PREX1: variants seen among roughly 807,000 people sequenced by gnomAD.
The protein encoded by PREX1 is phosphatidylinositol 3,4,5-trisphosphate-dependent Rac exchanger 1 protein.
In PREX1, 41 loss-of-function variants were observed where a neutral mutation model predicts 198.3. The observed-to-expected ratio is 0.21, with a 90% CI of 0.16 to 0.27. The LOEUF (loss-of-function observed/expected upper bound fraction) is 0.27. PREX1 is among the 10% of genes least tolerant of loss of function. The pLI, the probability that PREX1 is intolerant of heterozygous loss-of-function variation, is 1.00. For synonymous variants in PREX1, 843 were observed against 887.2 expected (o/e 0.95, Z 0.89); for missense variants, 1,620 against 2,200.7 (o/e 0.74, Z 5.28).
chr20:48,768,553 G>A (rs2090219570), intron 1 of PREX1, among the ~76,000 whole-genome samples: 1 of 152,172 alleles, frequency 6.6e-6, no homozygotes, highest in Non-Finnish European at 1.5e-5. Flanking sequence ...CCAGCACTTT[G>A]GGAGGCAGAG....
At chr20:48,698,647 T>C (rs2089859341) in intron 7 of PREX1, among the ~76,000 whole-genome samples, 2 of 151,976 alleles carry the variant, frequency 1.3e-5, no homozygotes, top group African/African-American at 4.8e-5. Context: ...CACTGGGAGA[T>C]AGCGGAAGCA....
chr20:48,664,235 T>C (rs1180312634), intron 15 of PREX1, among the ~76,000 whole-genome samples: 1 of 151,098 alleles, frequency 6.6e-6, no homozygotes, highest in Non-Finnish European at 1.5e-5. Flanking sequence ...ATTAGCCGGG[T>C]GTGGTGGCGG....
At chr20:48,779,221 G>T (rs901383587) in intron 1 of PREX1, among the ~76,000 whole-genome samples, 1 of 152,140 alleles carries the variant, frequency 6.6e-6, no homozygotes, top group African/African-American at 2.4e-5. Flanking sequence ...GTATATAAAT[G>T]GTAAATATGC....
At chr20:48,653,999 T>C (rs1208012531) in intron 19 of PREX1, among the ~76,000 whole-genome samples, 3 of 152,018 alleles carry the variant, frequency 2.0e-5, no homozygotes, top group Non-Finnish European at 4.4e-5. Flanking sequence ...ATGTGAAAGG[T>C]CTGGAAATGC....
At chr20:48,803,744 T>C (rs2090397928) in intron 1 of PREX1, among the ~76,000 whole-genome samples, 1 of 152,180 alleles carries the variant, frequency 6.6e-6, no homozygotes, top group South Asian at 2.1e-4. Flanking sequence ...CTGACGAACC[T>C]GTGACCCAGG....
intron 4 of PREX1, among the ~76,000 whole-genome samples, chr20:48,731,001 G>T (rs1333032798): frequency 6.6e-6 from 1 of 152,054 alleles, no homozygotes; most frequent in Non-Finnish European, 1.5e-5. Flanking sequence ...ATCTCAAAAA[G>T]CAAAAACAAA....
the PREX1 span, among the ~76,000 whole-genome samples, chr20:48,854,830 C>T: frequency 2.0e-5 from 3 of 152,190 alleles, no homozygotes; most frequent in Non-Finnish European, 2.9e-5. Flanking sequence ...GAATTTCATT[C>T]CTTGAAGGGG....
chr20:48,691,140 G>A lies in PREX1; in HGVS notation c.1037-44C>T, dbSNP rs376333161. 49 of 1,613,002 alleles carry A rather than the reference G, an allele frequency of 3.0e-5. No homozygotes were observed. Among genetic ancestry groups the A allele is most frequent in the Middle Eastern group, 1.7e-4 (1 of 5,972 alleles). On this transcript the variant is annotated intron_variant, in intron 8 of 39. Coordinates refer to ENST00000371941, the MANE Select transcript of PREX1 (RefSeq NM_020820.4). The surrounding 1 kb of genome is among the most constrained non-coding windows in gnomAD (Gnocchi z 5.0). ...AAAGGTGCAGCAGAGACTCAGCCGC[G>A]TGACCTTCAACACTCCCCATTGCCA...
At chr20:48,840,859 G>A in the PREX1 span, among the ~76,000 whole-genome samples, 1 of 152,084 alleles carries the variant, frequency 6.6e-6, no homozygotes. Context: ...GTCTTACACT[G>A]TAGCCCAGGC....
chr20:48,816,289 C>G (rs959939926), intron 1 of PREX1, among the ~76,000 whole-genome samples: 13 of 152,262 alleles, frequency 8.5e-5, no homozygotes, highest in Admixed American at 2.6e-4. Flanking sequence ...TGAGTTCAAA[C>G]CCACCACTGA....
the PREX1 span, among the ~76,000 whole-genome samples, chr20:48,878,554 G>A: frequency 1.2e-4 from 18 of 152,074 alleles, no homozygotes; most frequent in African/African-American, 4.3e-4. Context: ...TAGCCAGGAT[G>A]GTCTTGATCT....
chr20:48,758,994 T>C (rs747449581), intron 1 of PREX1, among the ~76,000 whole-genome samples: 1 of 152,100 alleles, frequency 6.6e-6, no homozygotes, highest in East Asian at 1.9e-4. Flanking sequence ...CCTCCTCCCA[T>C]GCCCCAACTC....
At chr20:48,659,733 G>A (rs1215276168) in intron 16 of PREX1, among the ~76,000 whole-genome samples, 186 bp downstream of exon 16, 2 of 152,154 alleles carry the variant, frequency 1.3e-5, no homozygotes, top group Admixed American at 6.5e-5. Context: ...CTTTTGTTAG[G>A]AGGGTAGTCT....
chr20:48,764,043 TCTGA>T lies in PREX1; in HGVS notation c.220-16167_220-16164del, dbSNP rs367899187. ...ACCTCGGGGCCATCAGAGTCCAGGC[TCTGA>T]CTTTCTGCCACATCCACTCTAACCC... On this transcript the variant is annotated intron_variant, in intron 1 of 39. Coordinates refer to ENST00000371941, the MANE Select transcript of PREX1 (RefSeq NM_020820.4). Among the ~76,000 whole-genome samples, 21 of 152,240 alleles carry T rather than the reference TCTGA, an allele frequency of 1.4e-4. No homozygotes were observed. The East Asian group carries it at 3.9e-3, about 28-fold the overall frequency.
chr20:48,732,213 G>C (rs938781580), intron 4 of PREX1, among the ~76,000 whole-genome samples: 12 of 152,190 alleles, frequency 7.9e-5, no homozygotes, highest in African/African-American at 2.9e-4. Flanking sequence ...ATTCACTTGA[G>C]ACAAAGATGG....
chr20:48,678,795 A>G (rs187439682), intron 13 of PREX1, among the ~76,000 whole-genome samples: 106 of 152,318 alleles, frequency 7.0e-4, no homozygotes, highest in Non-Finnish European at 1.2e-3. Flanking sequence ...CTGTGAATCC[A>G]TTAAACCTCC....
the PREX1 span, among the ~76,000 whole-genome samples, chr20:48,848,895 C>A: frequency 3.3e-5 from 5 of 152,106 alleles, no homozygotes; most frequent in Non-Finnish European, 7.4e-5. Context: ...CACCACTGTG[C>A]TCAGCTAATT....
chr20:48,789,981 T>C (rs1165823357), intron 1 of PREX1, among the ~76,000 whole-genome samples: 1 of 152,070 alleles, frequency 6.6e-6, no homozygotes, highest in Admixed American at 6.6e-5. Context: ...ACGTAGTAGG[T>C]GCTCAACCAA....
Position 48,737,239 on chromosome 20 carries a change from A to G in PREX1, c.415-2589T>C, listed in dbSNP as rs2090060872. ...GCAAAAAAAAAAAAAAAAAAAAAAA[A>G]AAAAAGACAGGCAGAGTCAGGAGGA... is the stretch of plus-strand genomic sequence containing the variant. On this transcript the variant is annotated intron_variant, in intron 3 of 39. Coordinates refer to ENST00000371941, the MANE Select transcript of PREX1 (RefSeq NM_020820.4). Among the ~76,000 whole-genome samples, 8 of 150,520 alleles carry G rather than the reference A, an allele frequency of 5.3e-5. No homozygotes were observed. In the South Asian group the frequency reaches 1.5e-3, roughly 28 times the overall value.
Sources: gnomAD v4.1 joint callset for allele counts (sites outside exome capture counted in the v4.1 genomes callset) on GRCh38, gnomAD v4.1.1 for gene constraint, Gnocchi (gnomAD v3.1) non-coding constraint, MANE v1.5 for transcripts, NCBI Gene and HGNC (gene_info 2026-07-23, HGNC 2026-07-21) for gene names.